WWOX: variants seen among roughly 807,000 people sequenced by gnomAD.
WWOX encodes the protein WW domain containing oxidoreductase, also known as WW domain-containing oxidoreductase.
WWOX carries 69 observed loss-of-function variants against 46.2 expected under a neutral mutation model. That is an observed-to-expected ratio of 1.49 (90% CI 1.23 to 1.82). The LOEUF is 1.82. WWOX is among the 40% of genes most tolerant of loss of function. WWOX has a pLI of 0.00. For synonymous variants in WWOX, 359 were observed against 202.6 expected, an observed-to-expected ratio of 1.77 and a Z score of -6.56; for missense variants, 919 against 542.6, an observed-to-expected ratio of 1.69 and a Z score of -6.89.
At position 78,370,657 on chromosome 16, in the gene WWOX, G is replaced by A. The variant is rs369557225; in HGVS notation, c.517-16203G>A. 2.6e-5 allele frequency among the ~76,000 whole-genome samples: 4 copies of A among 151,998 alleles called. No individual in the cohort carries two copies. In the East Asian group the frequency reaches 7.7e-4, roughly 29 times the overall value. ...TTTTGTCTTTCTCCATATTCTGGGA[G>A]AAACATCTAAGTTTCCATTCCTTAT... On this transcript the variant is annotated intron_variant, in intron 5 of 8. Coordinates refer to ENST00000566780, the MANE Select transcript of WWOX (RefSeq NM_016373.4).
chr16:78,727,858 G>C (rs533865645), intron 8 of WWOX, among the ~76,000 whole-genome samples: 4 of 151,904 alleles, frequency 2.6e-5, no homozygotes, highest in East Asian at 1.9e-4. Context: ...GGATATTTTG[G>C]TATCAGGACT....
At chr16:79,019,185 A>AG (rs2047480018) in intron 8 of WWOX, among the ~76,000 whole-genome samples, 2 of 57,170 alleles carry the variant, frequency 3.5e-5, no homozygotes, top group African/African-American at 1.4e-4. Context: ...AAAAAAAAAA[A>AG]GAAAAAAAAA....
At chr16:78,934,000 G>A (rs764490562) in intron 8 of WWOX, among the ~76,000 whole-genome samples, 3 of 151,830 alleles carry the variant, frequency 2.0e-5, no homozygotes, top group Non-Finnish European at 4.4e-5. Context: ...GGGGCTAGCC[G>A]AGGCAACACA....
intron 8 of WWOX, among the ~76,000 whole-genome samples, chr16:78,907,271 C>G (rs540966805): frequency 5.9e-5 from 9 of 152,046 alleles, no homozygotes; most frequent in Admixed American, 6.6e-5. Context: ...GGGGATGGGG[C>G]TACCAGTCCT....
chr16:78,616,619 CTT>C (rs770270835), intron 8 of WWOX, among the ~76,000 whole-genome samples: 4 of 151,800 alleles, frequency 2.6e-5, no homozygotes, highest in African/African-American at 4.8e-5. Flanking sequence ...AAACTAAAAA[CTT>C]AGCCAGGCTC....
intron 8 of WWOX, among the ~76,000 whole-genome samples, chr16:78,837,664 T>G (rs972025976): frequency 2.6e-5 from 4 of 152,190 alleles, no homozygotes; most frequent in Non-Finnish European, 4.4e-5. Context: ...TTTTGTATCT[T>G]ATACCAAGAA....
intron 8 of WWOX, among the ~76,000 whole-genome samples, chr16:78,909,731 C>T (rs1211213531): frequency 6.6e-6 from 1 of 152,166 alleles, no homozygotes; most frequent in Non-Finnish European, 1.5e-5. Context: ...CCATATGCAT[C>T]GTATTTTAAA....
intron 8 of WWOX, among the ~76,000 whole-genome samples, chr16:79,100,873 A>T (rs565832982): frequency 6.6e-6 from 1 of 151,950 alleles, no homozygotes; most frequent in Non-Finnish European, 1.5e-5. Flanking sequence ...TATTAACAAG[A>T]TGTCCACTGG....
At chr16:79,103,573 C>T (rs1275456245) in intron 8 of WWOX, among the ~76,000 whole-genome samples, 1 of 152,130 alleles carries the variant, frequency 6.6e-6, no homozygotes, top group Non-Finnish European at 1.5e-5. Flanking sequence ...CCAATTTATT[C>T]CATACTATCT....
chr16:78,741,922 A>G (rs1030001032), intron 8 of WWOX, among the ~76,000 whole-genome samples: 5 of 152,198 alleles, frequency 3.3e-5, no homozygotes, highest in Admixed American at 6.5e-5. Context: ...TAAACAATGG[A>G]TAATTTTTTA....
chr16:78,394,277 A>G (rs141133692), intron 6 of WWOX, among the ~76,000 whole-genome samples: 1,735 of 152,360 alleles, frequency 0.011, 30 homozygotes, highest in South Asian at 0.049. Flanking sequence ...GAAAACCCAA[A>G]GAAAAGAAAA....
At chr16:78,321,286 A>G (rs2080462444) in intron 5 of WWOX, among the ~76,000 whole-genome samples, 1 of 124,074 alleles carries the variant, frequency 8.1e-6, no homozygotes. Context: ...AAATATATAT[A>G]TATACGTATA....
chr16:78,580,043 G>C lies in WWOX; in HGVS notation c.1056+147291G>C, dbSNP rs577015957. ...TTTCTCAAAGCCTATTGAAAGCAAG[G>C]GCCATGTTTGCTGTTTTCTTTGACA... On this transcript the variant is annotated intron_variant, in intron 8 of 8. Coordinates refer to ENST00000566780, the MANE Select transcript of WWOX (RefSeq NM_016373.4). 8.5e-5 allele frequency among the ~76,000 whole-genome samples: 13 copies of C among 152,102 alleles called. No homozygotes were observed. The East Asian group carries it at 2.3e-3, about 27-fold the overall frequency.
rs534828767 is a variant in WWOX at position 78,992,759 on chromosome 16, C to G, written c.1057-218849C>G. On this transcript the variant is annotated intron_variant, in intron 8 of 8. Transcript: ENST00000566780. ...AAATCGCCTGCCAGGGTCCCTGACT[C>G]CCGGAGGAAAGTGTCCTCTGAGCCC... Among the ~76,000 whole-genome samples, 14 of 152,210 alleles carry G rather than the reference C, an allele frequency of 9.2e-5. 1 individual carries two copies. In the South Asian group the frequency reaches 2.7e-3, roughly 29 times the overall value.
chr16:78,634,304 A>G (rs1249449182), intron 8 of WWOX, among the ~76,000 whole-genome samples: 1 of 152,188 alleles, frequency 6.6e-6, no homozygotes, highest in African/African-American at 2.4e-5. Context: ...CAAGTGTGGA[A>G]ATGATACGCT....
At chr16:78,413,020 T>C (rs1445345815) in intron 6 of WWOX, among the ~76,000 whole-genome samples, 1 of 152,186 alleles carries the variant, frequency 6.6e-6, no homozygotes, top group African/African-American at 2.4e-5. Context: ...AGCTGACGCG[T>C]AGCAAGAATG....
intron 5 of WWOX, among the ~76,000 whole-genome samples, chr16:78,279,414 A>G (rs965789566): frequency 4.6e-5 from 7 of 152,196 alleles, no homozygotes; most frequent in Non-Finnish European, 8.8e-5. Flanking sequence ...GAAAAAAGAA[A>G]TATTCCCAAA....
intron 6 of WWOX, among the ~76,000 whole-genome samples, chr16:78,405,321 A>T (rs182887111): frequency 6.6e-5 from 10 of 151,870 alleles, no homozygotes; most frequent in Admixed American, 5.3e-4. Context: ...CAACTGAAAT[A>T]AAAAAAAATT....
chr16:78,762,006 TATC>T (rs1476674760), intron 8 of WWOX, among the ~76,000 whole-genome samples: 5 of 152,304 alleles, frequency 3.3e-5, no homozygotes, highest in Admixed American at 2.6e-4. Context: ...AACAAGTAAA[TATC>T]ATGAGAATTT....
Sources: gnomAD v4.1 joint callset for allele counts (sites outside exome capture counted in the v4.1 genomes callset) on GRCh38, gnomAD v4.1.1 for gene constraint, MANE v1.5 for transcripts, NCBI Gene and HGNC (gene_info 2026-07-23, HGNC 2026-07-21) for gene names.